Variants in COL25A1 observed in about 807,000 individuals in gnomAD.
The protein encoded by COL25A1 is collagen type XXV alpha 1 chain.
Under a neutral mutation model 128.4 loss-of-function variants are expected in COL25A1, and 103 were observed. The observed-to-expected ratio is 0.80, with a 90% CI of 0.68 to 0.94. COL25A1 has a LOEUF of 0.94. Ranked by LOEUF, COL25A1 falls within the 40% of genes least tolerant of loss-of-function variation. The pLI is 0.00. For missense variants in COL25A1, 745 were observed against 840.0 expected (o/e 0.89, Z 1.40); for synonymous variants, 279 against 277.2 (o/e 1.01, Z -0.06).
intron 5 of COL25A1, among the ~76,000 whole-genome samples, chr4:109,029,736 A>T (rs1758655351): frequency 6.6e-6 from 1 of 152,210 alleles, no homozygotes; most frequent in Admixed American, 6.5e-5. Flanking sequence ...CTATGTAAAA[A>T]TAATATGGAT....
intron 8 of COL25A1, among the ~76,000 whole-genome samples, chr4:108,946,332 G>A (rs1453159913): frequency 3.3e-5 from 5 of 152,204 alleles, no homozygotes. Flanking sequence ...GTAATAATGA[G>A]TGTTATAAGA....
chr4:109,224,722 C>A (rs1778669823), intron 3 of COL25A1, among the ~76,000 whole-genome samples: 1 of 152,076 alleles, frequency 6.6e-6, no homozygotes, highest in Non-Finnish European at 1.5e-5. Flanking sequence ...GGTGGATCAA[C>A]TGAGGTCGAG....
chr4:109,201,729 A>G (rs1044623579), intron 3 of COL25A1, among the ~76,000 whole-genome samples: 12 of 152,204 alleles, frequency 7.9e-5, no homozygotes, highest in African/African-American at 2.9e-4. Flanking sequence ...AATTGTTAAC[A>G]TAGAAAATCT....
rs955468988 is a variant in COL25A1, at chr4:108,979,148, C to T, written c.439-4589G>A. ...AACTTAAAATTAGCCCCTGTTCAAACGGCTTTACATTCAGAGTTTGCAAGA... is the reference window on the plus strand; with the variant it reads ...AACTTAAAATTAGCCCCTGTTCAAATGGCTTTACATTCAGAGTTTGCAAGA... On this transcript the variant is annotated intron_variant, in intron 6 of 37. Transcript: ENST00000399132. Among the ~76,000 whole-genome samples, 11 of 152,280 alleles carry T rather than the reference C, an allele frequency of 7.2e-5. 1 individual carries two copies. The Middle Eastern group carries it at 0.01, about 141-fold the overall frequency.
At chr4:109,180,181 G>A (rs531887519) in intron 3 of COL25A1, among the ~76,000 whole-genome samples, 2 of 152,296 alleles carry the variant, frequency 1.3e-5, no homozygotes, top group South Asian at 2.1e-4. Context: ...TAAACTGCTT[G>A]TAGAGGTCAA....
chr4:109,047,606 C>T (rs528492857), intron 5 of COL25A1, among the ~76,000 whole-genome samples: 8 of 151,676 alleles, frequency 5.3e-5, no homozygotes, highest in African/African-American at 1.7e-4. Context: ...CACCTGTTCC[C>T]CAATAACCTA....
chr4:108,874,977 T>C (rs1024330632), intron 19 of COL25A1, among the ~76,000 whole-genome samples: 1 of 152,214 alleles, frequency 6.6e-6, no homozygotes, highest in African/African-American at 2.4e-5. Context: ...TCAAGTTAGA[T>C]AGCATGTTAG....
At chr4:108,968,615 ACT>A (rs960808666) in intron 8 of COL25A1, among the ~76,000 whole-genome samples, 20 of 151,178 alleles carry the variant, frequency 1.3e-4, no homozygotes, top group African/African-American at 4.6e-4. Context: ...ATTTTTAAAG[ACT>A]CTATTCTAGG....
At chr4:108,902,575 C>G (rs891501857) in intron 13 of COL25A1, among the ~76,000 whole-genome samples, 9 of 151,894 alleles carry the variant, frequency 5.9e-5, no homozygotes, top group African/African-American at 2.2e-4. Context: ...TTAAATATAA[C>G]CTACATAGAG....
At chr4:109,058,015 T>G (rs75163931) in intron 3 of COL25A1, among the ~76,000 whole-genome samples, 2,729 of 152,302 alleles carry the variant, frequency 0.018, 86 homozygotes, top group African/African-American at 0.062. Flanking sequence ...ATAGATGCTT[T>G]GTTTCCAGAA....
At chr4:108,864,850 T>C (rs1578585987) in intron 20 of COL25A1, among the ~76,000 whole-genome samples, 2 of 152,196 alleles carry the variant, frequency 1.3e-5, no homozygotes, top group Non-Finnish European at 2.9e-5. Flanking sequence ...AGTTTTATTA[T>C]CCATATTCTA....
At chr4:109,202,968 T>G (rs1776690648) in intron 3 of COL25A1, among the ~76,000 whole-genome samples, 1 of 151,302 alleles carries the variant, frequency 6.6e-6, no homozygotes, top group Non-Finnish European at 1.5e-5. Flanking sequence ...AAGGAGAGAA[T>G]GAGAATGAAT....
chr4:109,284,381 C>T (rs1723666510), intron 3 of COL25A1, among the ~76,000 whole-genome samples: 3 of 152,176 alleles, frequency 2.0e-5, no homozygotes, highest in African/African-American at 7.2e-5. Flanking sequence ...GCCAAGATCG[C>T]ACCAGTGTAC....
intron 3 of COL25A1, among the ~76,000 whole-genome samples, chr4:109,063,055 T>G (rs191501306): frequency 2.0e-5 from 3 of 152,302 alleles, no homozygotes; most frequent in Admixed American, 2.0e-4. Flanking sequence ...TTGTGAGAGA[T>G]GCAAGGCCTA....
At chr4:108,828,787 G>T (rs1184354601) in intron 32 of COL25A1, among the ~76,000 whole-genome samples, 1 of 152,164 alleles carries the variant, frequency 6.6e-6, no homozygotes, top group Non-Finnish European at 1.5e-5. Context: ...ACCCCTGAAG[G>T]AGTTTAAAGG....
At chr4:109,058,769 A>C (rs1188915025) in intron 3 of COL25A1, among the ~76,000 whole-genome samples, 1 of 152,250 alleles carries the variant, frequency 6.6e-6, no homozygotes. Flanking sequence ...ACACATATGC[A>C]AATGGCCCAG....
chr4:109,268,578 TC>T (rs1560956811), intron 3 of COL25A1, among the ~76,000 whole-genome samples: 1 of 152,116 alleles, frequency 6.6e-6, no homozygotes, highest in African/African-American at 2.4e-5. Flanking sequence ...AACAAAATAT[TC>T]TAAAATTAAA....
intron 3 of COL25A1, among the ~76,000 whole-genome samples, chr4:109,108,753 T>C (rs1245315417): frequency 7.0e-6 from 1 of 142,958 alleles, no homozygotes; most frequent in Non-Finnish European, 1.5e-5. Context: ...ATGGTACTCA[T>C]TATGGTTTTT....
At chr4:108,813,972 A>G in intron 37 of COL25A1, 43 bp from the exon 38 acceptor site, 17 of 1,490,872 alleles carry the variant, frequency 1.1e-5, no homozygotes, top group Non-Finnish European at 1.6e-5. Flanking sequence ...TGGAATTAGT[A>G]GTCTTGAATT....
Sources: allele counts gnomAD v4.1 joint callset (sites outside exome capture counted in the v4.1 genomes callset), GRCh38; gene constraint gnomAD v4.1.1; transcripts MANE v1.5; gene names NCBI Gene and HGNC (gene_info 2026-07-23, HGNC 2026-07-21).